PTPRD: variants seen among roughly 807,000 people sequenced by gnomAD.
PTPRD encodes the protein receptor-type tyrosine-protein phosphatase delta.
A neutral mutation model predicts 214.5 loss-of-function variants in PTPRD; 34 were observed. The observed-to-expected ratio is 0.16, with a 90% CI of 0.12 to 0.21. The LOEUF (loss-of-function observed/expected upper bound fraction) is 0.21, where lower values mean the gene tolerates loss of function less well. PTPRD is among the 10% of genes least tolerant of loss of function. The pLI is 1.00. For synonymous variants in PTPRD, 1,128 were observed against 845.7 expected, an observed-to-expected ratio of 1.33 and a Z score of -5.79; for missense variants, 2,545 against 2,398.7, an observed-to-expected ratio of 1.06 and a Z score of -1.27.
At chr9:10,242,530 G>A (rs2091285439) in intron 3 of PTPRD, among the ~76,000 whole-genome samples, 1 of 151,830 alleles carries the variant, frequency 6.6e-6, no homozygotes, top group Non-Finnish European at 1.5e-5. Context: ...AGTCCCTACT[G>A]TGTACCAGGC....
chr9:10,142,465 G>C (rs1174785127), intron 3 of PTPRD, among the ~76,000 whole-genome samples: 3 of 152,080 alleles, frequency 2.0e-5, no homozygotes, highest in Non-Finnish European at 1.5e-5. Flanking sequence ...GTGGGCAAAG[G>C]ACATGAACAG....
At chr9:10,152,346 C>T (rs1241120821) in intron 3 of PTPRD, among the ~76,000 whole-genome samples, 1 of 152,016 alleles carries the variant, frequency 6.6e-6, no homozygotes, top group Non-Finnish European at 1.5e-5. Flanking sequence ...AAATATTTTG[C>T]TCATTTTTAG....
At chr9:8,368,623 T>A (rs1013893030) in intron 39 of PTPRD, among the ~76,000 whole-genome samples, 1 of 152,138 alleles carries the variant, frequency 6.6e-6, no homozygotes, top group Admixed American at 6.6e-5. Flanking sequence ...ACTTCTCCAT[T>A]TTGAGTTTTA....
At chr9:9,547,751 G>A (rs369710242) in intron 8 of PTPRD, among the ~76,000 whole-genome samples, 1 of 150,392 alleles carries the variant, frequency 6.6e-6, no homozygotes, top group African/African-American at 2.4e-5. Context: ...AATTTGATAA[G>A]AGCTATAAAA....
At position 9,890,352 on chromosome 9, in the gene PTPRD, C is replaced by T. The variant is rs572652252; in HGVS notation, c.-368+48155G>A. Among the ~76,000 whole-genome samples, 73 of 151,956 alleles carry T rather than the reference C, an allele frequency of 4.8e-4. 2 individuals carry two copies. In the South Asian group the frequency reaches 0.012, roughly 24 times the overall value. On this transcript the variant is annotated intron_variant, in intron 5 of 45. Coordinates refer to ENST00000381196, the MANE Select transcript of PTPRD (RefSeq NM_002839.4). ...CCTGTAACTACAAGTGTTCCCTCCA[C>T]GCCTGGCTATTTTTTTTGAATTTTT... is the stretch of plus-strand genomic sequence containing the variant.
At chr9:9,832,432 T>C (rs1188972781) in intron 5 of PTPRD, among the ~76,000 whole-genome samples, 2 of 152,060 alleles carry the variant, frequency 1.3e-5, no homozygotes, top group South Asian at 2.1e-4. Context: ...TGATGGACTA[T>C]GTAACAGTCA....
intron 2 of PTPRD, among the ~76,000 whole-genome samples, chr9:10,529,556 C>CT (rs2055494019): frequency 1.0e-5 from 1 of 98,182 alleles, no homozygotes; most frequent in African/African-American, 4.0e-5. Context: ...ACATCATACA[C>CT]GGGGCCTGTT....
chr9:8,709,715 A>T (rs1365141982), intron 12 of PTPRD, among the ~76,000 whole-genome samples: 1 of 152,148 alleles, frequency 6.6e-6, no homozygotes, highest in Non-Finnish European at 1.5e-5. Context: ...CAATATAAAA[A>T]AATTAAAATA....
At chr9:8,639,988 T>C (rs1404920078) in intron 12 of PTPRD, among the ~76,000 whole-genome samples, 1 of 152,194 alleles carries the variant, frequency 6.6e-6, no homozygotes, top group African/African-American at 2.4e-5. Flanking sequence ...TTCAGTGCAG[T>C]GGCACGATCA....
At position 9,242,737 on chromosome 9, in the gene PTPRD, T is replaced by C. The variant is rs75810334; in HGVS notation, c.-202-59374A>G. The stretch of plus-strand genomic sequence containing the variant: ...CTACACTGGTTATTCTAGTTAGCCA[T>C]TCATCTAATCTTTTTTCAATGTTTT... On this transcript the variant is annotated intron_variant, in intron 9 of 45. Transcript: ENST00000381196. 9.3e-4 allele frequency among the ~76,000 whole-genome samples: 142 copies of C among 152,178 alleles called. 2 individuals carry two copies. In the East Asian group the frequency reaches 0.026, roughly 28 times the overall value.
intron 36 of PTPRD, among the ~76,000 whole-genome samples, chr9:8,401,535 A>G (rs1469653789): frequency 6.6e-6 from 1 of 152,144 alleles, no homozygotes; most frequent in Non-Finnish European, 1.5e-5. Flanking sequence ...GACTCTTTTG[A>G]ATTTATTCTG....
rs76194891 is a variant in PTPRD at position 10,429,689 on chromosome 9, G to A, written c.-599-88672C>T. On this transcript the variant is annotated intron_variant, in intron 2 of 45. Coordinates refer to ENST00000381196, the MANE Select transcript of PTPRD (RefSeq NM_002839.4). The stretch of plus-strand genomic sequence containing the variant: ...ATATATATTCTATATATGTTCACAT[G>A]GACATACAATGATAGAGTATAATGA... 8.1e-4 allele frequency among the ~76,000 whole-genome samples: 122 copies of A among 151,064 alleles called. 1 individual carries two copies. In the East Asian group the frequency reaches 0.015, roughly 18 times the overall value.
At chr9:9,336,846 T>C (rs1292650793) in intron 9 of PTPRD, among the ~76,000 whole-genome samples, 2 of 152,186 alleles carry the variant, frequency 1.3e-5, no homozygotes, top group East Asian at 3.8e-4. Flanking sequence ...TGTGATAGTT[T>C]ATATGAGTAA....
At chr9:10,035,281 G>A (rs1047656566) in intron 3 of PTPRD, among the ~76,000 whole-genome samples, 34 of 151,612 alleles carry the variant, frequency 2.2e-4, no homozygotes, top group African/African-American at 8.3e-4. Context: ...ACTTTTTAAT[G>A]GGGTATTTTT....
intron 3 of PTPRD, among the ~76,000 whole-genome samples, chr9:10,080,374 A>T (rs959594787): frequency 3.3e-5 from 5 of 152,140 alleles, no homozygotes; most frequent in African/African-American, 1.2e-4. Context: ...CACTGTATGC[A>T]GAGTACATGT....
chr9:9,162,656 T>A (rs890338572), intron 10 of PTPRD, among the ~76,000 whole-genome samples: 2 of 152,092 alleles, frequency 1.3e-5, no homozygotes, highest in Non-Finnish European at 2.9e-5. Flanking sequence ...AATTTCATCA[T>A]GCATGGTTTT....
At chr9:10,602,754 C>T (rs998124354) in intron 2 of PTPRD, among the ~76,000 whole-genome samples, 39 of 151,656 alleles carry the variant, frequency 2.6e-4, no homozygotes, top group African/African-American at 8.9e-4. Flanking sequence ...TTTCTGCTTC[C>T]TACTCATTTC....
intron 14 of PTPRD, among the ~76,000 whole-genome samples, chr9:8,529,961 G>C (rs1465483825): frequency 6.6e-6 from 1 of 151,822 alleles, no homozygotes; most frequent in Non-Finnish European, 1.5e-5. Flanking sequence ...ACCCCCTCAC[G>C]GCCACTGATA....
chr9:9,840,400 T>G (rs1484537219), intron 5 of PTPRD, among the ~76,000 whole-genome samples: 2 of 152,106 alleles, frequency 1.3e-5, no homozygotes, highest in African/African-American at 4.8e-5. Context: ...TTCCAGTTGT[T>G]GAAACATTAT....
Sources: allele counts gnomAD v4.1 joint callset (sites outside exome capture counted in the v4.1 genomes callset), GRCh38; gene constraint gnomAD v4.1.1; transcripts MANE v1.5; gene names NCBI Gene and HGNC (gene_info 2026-07-23, HGNC 2026-07-21).